RGS6: variants seen among roughly 807,000 people sequenced by gnomAD.
RGS6 encodes regulator of G-protein signaling 6.
RGS6 carries 30 observed loss-of-function variants against 78.5 expected under a neutral mutation model. The observed-to-expected ratio is 0.38, with a 90% confidence interval of 0.29 to 0.52. The LOEUF (loss-of-function observed/expected upper bound fraction) is 0.52, where lower values mean the gene tolerates loss of function less well. Among genes scored for constraint, RGS6 ranks in the 20% least tolerant of loss-of-function variants. The pLI, the probability that RGS6 is intolerant of heterozygous loss-of-function variation, is 0.85. For synonymous variants in RGS6, 206 were observed against 206.0 expected (o/e 1.00, Z 0.00); for missense variants, 495 against 609.7 (o/e 0.81, Z 1.98).
the RGS6 span, among the ~76,000 whole-genome samples, chr14:72,615,500 C>G: frequency 3.0e-4 from 45 of 152,216 alleles, no homozygotes; most frequent in Non-Finnish European, 2.9e-5. Flanking sequence ...GAGTGTGCAA[C>G]CCTCCAGGGT....
chr14:71,996,085 G>A (rs2153201775), intron 2 of RGS6, among the ~76,000 whole-genome samples: 1 of 152,212 alleles, frequency 6.6e-6, no homozygotes, highest in Middle Eastern at 3.4e-3. Context: ...TATCCTGCAG[G>A]CAAGAAGGGC....
chr14:72,231,863 A>G (rs1019846213), intron 2 of RGS6, among the ~76,000 whole-genome samples: 4 of 152,108 alleles, frequency 2.6e-5, no homozygotes, highest in South Asian at 2.1e-4. Flanking sequence ...ATGAACTGGG[A>G]TAGGTTGCAA....
intron 8 of RGS6, among the ~76,000 whole-genome samples, chr14:72,471,706 C>A (rs1436505216): frequency 6.6e-6 from 1 of 152,202 alleles, no homozygotes; most frequent in African/African-American, 2.4e-5. Context: ...ATGATGCCAG[C>A]CACCTCCTGA....
chr14:72,113,293 T>G (rs909506172), intron 2 of RGS6, among the ~76,000 whole-genome samples: 9 of 152,212 alleles, frequency 5.9e-5, no homozygotes, highest in Non-Finnish European at 8.8e-5. Flanking sequence ...AGTCCCTTTT[T>G]CCTCATGTAG....
rs747066432 is a variant in RGS6 at position 72,457,084 on chromosome 14, T to TAAAAAAA, written c.236-1168_236-1162dup. Among the ~76,000 whole-genome samples the TAAAAAAA allele has an allele frequency of 5.6e-4, 46 of 82,134 alleles. 1 individual carries two copies. Among genetic ancestry groups the TAAAAAAA allele is most frequent in the Non-Finnish European group, 8.0e-4 (35 of 44,002 alleles). The allele number at this position is 82,134 out of a possible 152,430, so 53.9% of individuals were successfully genotyped here. On this transcript the variant is annotated intron_variant, in intron 4 of 17. Coordinates refer to ENST00000553525, the MANE Select transcript of RGS6 (RefSeq NM_001204424.2). ...GGGTGACAAGAGTCAGACCTGTCTC[T>TAAAAAAA]AAAAAAAAAAAAAAAAAAAAAAAAA... is the stretch of plus-strand genomic sequence containing the variant.
chr14:71,940,009 C>T (rs2090251036), intron 1 of RGS6, among the ~76,000 whole-genome samples: 1 of 152,190 alleles, frequency 6.6e-6, no homozygotes, highest in Non-Finnish European at 1.5e-5. Context: ...GCCAATTATG[C>T]ATTCTGGCCC....
chr14:72,449,059 T>C (rs527640025), intron 3 of RGS6, among the ~76,000 whole-genome samples: 2 of 152,170 alleles, frequency 1.3e-5, no homozygotes, highest in Non-Finnish European at 2.9e-5. Context: ...ATCTATGTGA[T>C]AAGGTGGCCT....
intron 2 of RGS6, among the ~76,000 whole-genome samples, chr14:72,036,606 C>A (rs2091749392): frequency 6.6e-6 from 1 of 152,106 alleles, no homozygotes; most frequent in Non-Finnish European, 1.5e-5. Flanking sequence ...TGCTTATTTG[C>A]CGACCCTACG....
At position 72,176,291 on chromosome 14, in the gene RGS6, T is replaced by C. The variant is rs115659147; in HGVS notation, c.85-175804T>C. Among the ~76,000 whole-genome samples the C allele has an allele frequency of 4.6e-3, 701 of 152,218 alleles. 7 individuals carry two copies. The highest frequency in any genetic ancestry group is 0.016 in the African/African-American group (654 of 41,550). ...ACATCTTCCCTCCTCCCACCCCTCA[T>C]TGGGGGAGATGACATGGGGCATACT... On this transcript the variant is annotated intron_variant, in intron 2 of 17. Coordinates refer to ENST00000553525, the MANE Select transcript of RGS6 (RefSeq NM_001204424.2).
the RGS6 span, among the ~76,000 whole-genome samples, chr14:71,879,789 T>C: frequency 2.6e-5 from 4 of 152,184 alleles, no homozygotes; most frequent in Non-Finnish European, 4.4e-5. Context: ...TTATCAGCAG[T>C]GTGAGAACCA....
At chr14:72,070,836 C>T (rs879764744) in intron 2 of RGS6, among the ~76,000 whole-genome samples, 59 of 152,282 alleles carry the variant, frequency 3.9e-4, no homozygotes, top group Admixed American at 2.7e-3. Context: ...TAACTTACTT[C>T]GCAGGGATTG....
the RGS6 span, among the ~76,000 whole-genome samples, chr14:72,580,523 C>T: frequency 2.6e-4 from 40 of 152,256 alleles, 3 homozygotes; most frequent in South Asian, 8.3e-3. Flanking sequence ...GAGGAATGCA[C>T]AGCTGTTTTC....
chr14:72,423,441 T>C (rs1373115797), intron 3 of RGS6, among the ~76,000 whole-genome samples: 1 of 151,280 alleles, frequency 6.6e-6, no homozygotes, highest in Non-Finnish European at 1.5e-5. Flanking sequence ...CAACAATGGA[T>C]TGTGTAAAAA....
At chr14:71,995,012 G>A (rs778157332) in intron 2 of RGS6, among the ~76,000 whole-genome samples, 2 of 152,116 alleles carry the variant, frequency 1.3e-5, no homozygotes, top group Non-Finnish European at 2.9e-5. Context: ...GCTGAGGTGG[G>A]GTGGCCTGAT....
intron 2 of RGS6, among the ~76,000 whole-genome samples, chr14:72,076,924 A>G (rs1160575350): frequency 6.7e-6 from 1 of 149,796 alleles, no homozygotes; most frequent in Admixed American, 6.7e-5. Context: ...ACCTATAAAT[A>G]GCCAAATTAT....
At chr14:72,283,589 A>G (rs906521575) in intron 2 of RGS6, among the ~76,000 whole-genome samples, 11 of 152,064 alleles carry the variant, frequency 7.2e-5, no homozygotes, top group African/African-American at 2.7e-4. Context: ...TTTGCCTTCC[A>G]CCATGATTGT....
At chr14:72,037,607 T>G (rs1330435667) in intron 2 of RGS6, among the ~76,000 whole-genome samples, 6 of 152,232 alleles carry the variant, frequency 3.9e-5, no homozygotes, top group Admixed American at 3.9e-4. Context: ...TGCATTTAGA[T>G]GTTTGAATGC....
At chr14:72,260,256 G>A (rs1466742820) in intron 2 of RGS6, among the ~76,000 whole-genome samples, 2 of 152,170 alleles carry the variant, frequency 1.3e-5, no homozygotes, top group African/African-American at 4.8e-5. Flanking sequence ...TTCTAGACTT[G>A]TTGAGTTTGG....
the RGS6 span, among the ~76,000 whole-genome samples, chr14:71,897,731 A>G: frequency 6.6e-6 from 1 of 152,012 alleles, no homozygotes; most frequent in African/African-American, 2.4e-5. Context: ...ATCTTAGCCA[A>G]GATGGTCTCG....
Sources: gnomAD v4.1 joint callset for allele counts (sites outside exome capture counted in the v4.1 genomes callset) on GRCh38, gnomAD v4.1.1 for gene constraint, MANE v1.5 for transcripts, NCBI Gene and HGNC (gene_info 2026-07-23, HGNC 2026-07-21) for gene names.